SNTG1: variants seen among roughly 807,000 people sequenced by gnomAD.
SNTG1 encodes gamma-1-syntrophin.
In SNTG1, 39 loss-of-function variants were observed where a neutral mutation model predicts 74.7. The observed-to-expected ratio is 0.52, with a 90% CI of 0.40 to 0.68. The LOEUF is 0.68. SNTG1 is among the 30% of genes least tolerant of loss of function. The pLI is 0.00. For synonymous variants in SNTG1, 254 were observed against 217.1 expected (o/e 1.17, Z -1.49); for missense variants, 685 against 609.5 (o/e 1.12, Z -1.30).
At chr8:50,673,185 T>C (rs2095293326) in intron 15 of SNTG1, among the ~76,000 whole-genome samples, 1 of 152,184 alleles carries the variant, frequency 6.6e-6, no homozygotes, top group Non-Finnish European at 1.5e-5. Flanking sequence ...CACATGAAAT[T>C]TGAAGTAGTT....
At chr8:50,557,852 C>T (rs2094465538) in intron 12 of SNTG1, among the ~76,000 whole-genome samples, 1 of 152,200 alleles carries the variant, frequency 6.6e-6, no homozygotes, top group African/African-American at 2.4e-5. Context: ...TGCAATGTCT[C>T]CTATAGCAGT....
chr8:50,266,244 A>G (rs2087459375), intron 2 of SNTG1, among the ~76,000 whole-genome samples: 1 of 152,128 alleles, frequency 6.6e-6, no homozygotes, highest in Non-Finnish European at 1.5e-5. Context: ...AGACATATAT[A>G]AATCAATAGA....
intron 1 of SNTG1, among the ~76,000 whole-genome samples, chr8:50,156,990 T>A (rs759414086): frequency 4.6e-5 from 7 of 152,114 alleles, no homozygotes; most frequent in Admixed American, 2.0e-4. Context: ...GTTTTTCATA[T>A]CTAAATTGAA....
At chr8:50,454,924 T>G (rs2093491399) in intron 8 of SNTG1, among the ~76,000 whole-genome samples, 1 of 151,782 alleles carries the variant, frequency 6.6e-6, no homozygotes, top group South Asian at 2.1e-4. Context: ...CTTTGTGTGA[T>G]AAGAAAGAAT....
intron 2 of SNTG1, among the ~76,000 whole-genome samples, chr8:50,312,424 T>C (rs2090150391): frequency 6.6e-6 from 1 of 150,788 alleles, no homozygotes; most frequent in African/African-American, 2.5e-5. Flanking sequence ...TTTAAAATTC[T>C]AGATAAAACA....
chr8:50,297,183 C>T (rs1483251432), intron 2 of SNTG1, among the ~76,000 whole-genome samples: 1 of 152,196 alleles, frequency 6.6e-6, no homozygotes, highest in African/African-American at 2.4e-5. Flanking sequence ...TCCTCCTTAT[C>T]TGCAGAAGAT....
chr8:50,192,669 AT>A (rs562948060), intron 2 of SNTG1, among the ~76,000 whole-genome samples: 249 of 140,804 alleles, frequency 1.8e-3, no homozygotes, highest in East Asian at 0.01. Flanking sequence ...GGTCCCAGCT[AT>A]TTTTTTTTTT....
At chr8:50,403,458 C>T (rs1289158684) in intron 4 of SNTG1, among the ~76,000 whole-genome samples, 1 of 152,156 alleles carries the variant, frequency 6.6e-6, no homozygotes, top group East Asian at 1.9e-4. Context: ...TGGGGTTGTC[C>T]TTTCTTCCCT....
At chr8:50,606,017 T>G (rs2094809737) in intron 13 of SNTG1, among the ~76,000 whole-genome samples, 1 of 152,206 alleles carries the variant, frequency 6.6e-6, no homozygotes, top group Non-Finnish European at 1.5e-5. Context: ...TATTTGAATT[T>G]CCTTTGCTAG....
At chr8:50,411,687 T>C (rs1414229129) in intron 4 of SNTG1, among the ~76,000 whole-genome samples, 6 of 152,146 alleles carry the variant, frequency 3.9e-5, no homozygotes, top group Admixed American at 2.6e-4. Context: ...CCCTTCTCTC[T>C]ATTTCTTATG....
At chr8:50,136,128 C>A (rs1211668340) in intron 1 of SNTG1, among the ~76,000 whole-genome samples, 1 of 152,074 alleles carries the variant, frequency 6.6e-6, no homozygotes, top group Admixed American at 6.6e-5. Context: ...TCTATATGTA[C>A]CACATTTTCT....
intron 17 of SNTG1, among the ~76,000 whole-genome samples, chr8:50,719,752 A>G (rs1477897688): frequency 2.0e-5 from 3 of 152,204 alleles, no homozygotes; most frequent in African/African-American, 7.2e-5. Flanking sequence ...CATGGCTATG[A>G]TTAAAATAAA....
intron 8 of SNTG1, among the ~76,000 whole-genome samples, chr8:50,494,295 A>T (rs1048218800): frequency 1.3e-5 from 2 of 152,004 alleles, no homozygotes; most frequent in Non-Finnish European, 2.9e-5. Context: ...CACTTGCTGA[A>T]TTCCATATGC....
At chr8:50,495,770 T>TA (rs2093898178) in intron 8 of SNTG1, among the ~76,000 whole-genome samples, 1 of 152,130 alleles carries the variant, frequency 6.6e-6, no homozygotes, top group African/African-American at 2.4e-5. Context: ...TGTGAATGTA[T>TA]ATACCTGCAG....
At chr8:50,694,632 G>C (rs2095396856) in intron 15 of SNTG1, among the ~76,000 whole-genome samples, 1 of 151,938 alleles carries the variant, frequency 6.6e-6, no homozygotes. Flanking sequence ...CATAAGAAAA[G>C]AAAATTATAG....
chr8:50,121,565 A>G (rs2080998625), intron 1 of SNTG1, among the ~76,000 whole-genome samples: 1 of 143,032 alleles, frequency 7.0e-6, no homozygotes, highest in Admixed American at 7.2e-5. Flanking sequence ...ATAAGTATTA[A>G]TACAAACTAA....
intron 13 of SNTG1, among the ~76,000 whole-genome samples, chr8:50,614,401 A>T (rs2094872422): frequency 6.6e-6 from 1 of 152,076 alleles, no homozygotes; most frequent in East Asian, 1.9e-4. Context: ...TTACAGTAGC[A>T]AGGAATCAAG....
At chr8:50,473,587 C>A (rs116793647) in intron 8 of SNTG1, among the ~76,000 whole-genome samples, 3,515 of 152,190 alleles carry the variant, frequency 0.023, 126 homozygotes, top group African/African-American at 0.077. Context: ...AAAGAATTGA[C>A]GGCAGTTGTG....
At chr8:50,239,750 GT>G (rs1313993217) in intron 2 of SNTG1, among the ~76,000 whole-genome samples, 1 of 152,158 alleles carries the variant, frequency 6.6e-6, no homozygotes, top group Non-Finnish European at 1.5e-5. Flanking sequence ...GTTCTTCATA[GT>G]TTTGTTTGTT....
Sources: gnomAD v4.1 joint callset for allele counts (sites outside exome capture counted in the v4.1 genomes callset) on GRCh38, gnomAD v4.1.1 for gene constraint, MANE v1.5 for transcripts, NCBI Gene and HGNC (gene_info 2026-07-23, HGNC 2026-07-21) for gene names.